Variants in NET1 observed in about 807,000 individuals in gnomAD.
NET1 encodes neuroepithelial cell-transforming gene 1 protein.
NET1 carries 42 observed loss-of-function variants against 61.1 expected under a neutral mutation model. The observed-to-expected ratio is 0.69, with a 90% CI of 0.54 to 0.89. The LOEUF (loss-of-function observed/expected upper bound fraction) is 0.89, where lower values mean the gene tolerates loss of function less well. Ranked by LOEUF, NET1 falls within the 40% of genes least tolerant of loss-of-function variation. The pLI, the probability that NET1 is intolerant of heterozygous loss-of-function variation, is 0.00. For missense variants in NET1, 654 were observed against 747.3 expected, an observed-to-expected ratio of 0.88 and a Z score of 1.46; for synonymous variants, 254 against 281.8, an observed-to-expected ratio of 0.90 and a Z score of 0.99.
Position 5,444,126 on chromosome 10 carries a change from A to C in NET1, c.256-7704A>C, listed in dbSNP as rs72779852. ...AGTCCACAATCGCTCAGGTGCTTCT[A>C]CTTTCATGCTATATGGAAATATCTT... On this transcript the variant is annotated intron_variant, in intron 3 of 11. Transcript: ENST00000355029. The surrounding 1 kb of genome is among the most constrained non-coding windows in gnomAD (Gnocchi z 5.3). 1.3e-5 allele frequency among the ~76,000 whole-genome samples: 2 copies of C among 152,250 alleles called. No homozygotes were observed. The highest frequency in any genetic ancestry group is 4.8e-5 in the African/African-American group (2 of 41,458).
At chr10:5,414,607 T>G (rs1289851494) in intron 1 of NET1, among the ~76,000 whole-genome samples, 1 of 152,168 alleles carries the variant, frequency 6.6e-6, no homozygotes, top group African/African-American at 2.4e-5. Context: ...GAAGAGAAGT[T>G]TCACTGCAAC....
Position 5,452,300 on chromosome 10 carries a change from A to T in NET1, c.364-58A>T. The T allele has an allele frequency of 7.3e-7, 1 of 1,364,538 alleles. No homozygotes were observed. Among genetic ancestry groups the T allele is most frequent in the Non-Finnish European group, 9.7e-7 (1 of 1,035,044 alleles). The allele number at this position is 1,364,538 out of a possible 1,614,324, so 84.5% of individuals were successfully genotyped here. A position where few individuals can be genotyped will look rare whatever the true frequency, so the allele number is the denominator to read the frequency against. On this transcript the variant is annotated intron_variant, in intron 4 of 11. Transcript: ENST00000355029. This position sits in a 1 kb window ranked among gnomAD's most constrained non-coding sequence, Gnocchi z 4.0. Reference sequence around the variant, plus strand: ...TCACTTTAAAAAAAAAGAAAATGGGAATAATTCTATTTCTTCCAAATCTTA... The same window carrying T: ...TCACTTTAAAAAAAAAGAAAATGGGTATAATTCTATTTCTTCCAAATCTTA...
At position 5,439,522 on chromosome 10, in the gene NET1, C is replaced by T. The variant is rs568277267; in HGVS notation, c.255+10293C>T. On this transcript the variant is annotated intron_variant, in intron 3 of 11. Coordinates refer to ENST00000355029, the MANE Select transcript of NET1 (RefSeq NM_001047160.3). The surrounding 1 kb of genome is among the most constrained non-coding windows in gnomAD (Gnocchi z 4.8). Reference sequence around the variant, plus strand: ...ACCATTTCCTTTGTATAACAGATGGCTGCTGTACCTCCCAACCTTCTGACT... The same window carrying T: ...ACCATTTCCTTTGTATAACAGATGGTTGCTGTACCTCCCAACCTTCTGACT... Among the ~76,000 whole-genome samples the T allele has an allele frequency of 3.9e-5, 6 of 152,334 alleles. No individual in the cohort carries two copies. Among genetic ancestry groups the T allele is most frequent in the Admixed American group, 2.0e-4 (3 of 15,310 alleles).
chr10:5,413,466 A>G (rs1832034662), intron 1 of NET1, among the ~76,000 whole-genome samples: 1 of 151,804 alleles, frequency 6.6e-6, no homozygotes, highest in Non-Finnish European at 1.5e-5. Context: ...AGAGTGTATG[A>G]CTCGTGTTTG....
At chr10:5,425,989 T>C (rs1454789255) in intron 1 of NET1, among the ~76,000 whole-genome samples, 1 of 152,238 alleles carries the variant, frequency 6.6e-6, no homozygotes, top group Non-Finnish European at 1.5e-5. Context: ...GGCTTATATT[T>C]TAGAAAGGTG....
rs146371164 is a variant in NET1 at position 5,456,223 on chromosome 10, A to G, written c.1334A>G (p.Asp445Gly). 3.1e-6 allele frequency: 5 copies of G among 1,613,964 alleles called. No individual in the cohort carries two copies. The African/African-American group carries it at 5.3e-5, about 17-fold the overall frequency. The change falls in exon 11 of 12, where the codon GAT (aspartate) becomes GGT (glycine). Residue 445 changes from aspartate (D) to glycine (G), a missense_variant. Transcript: ENST00000355029. This position sits in a 1 kb window ranked among gnomAD's most constrained non-coding sequence, Gnocchi z 7.0. ...GTCCTAGAAGACCTGCAGGATGGAG[A>G]TGTGAGAATGGGAGGCTCCTTTCGA... ...ELVLEDLQDG[D>G]VRMGGSFRGA...
intron 1 of NET1, among the ~76,000 whole-genome samples, chr10:5,414,915 G>A (rs1832053757): frequency 6.6e-6 from 1 of 152,178 alleles, no homozygotes; most frequent in Non-Finnish European, 1.5e-5. Flanking sequence ...TTTTTTGTGT[G>A]AGGTAGGAAA....
intron 1 of NET1, among the ~76,000 whole-genome samples, chr10:5,418,681 T>C (rs1308335736): frequency 6.6e-6 from 1 of 152,192 alleles, no homozygotes; most frequent in Non-Finnish European, 1.5e-5. Context: ...TCCTGCTTAG[T>C]AATCTGAGTA....
rs756205462 is a variant in NET1, at chr10:5,453,257, A to G, written c.602A>G (p.His201Arg). The G allele has an allele frequency of 1.9e-6, 3 of 1,599,416 alleles. No homozygotes were observed. Among genetic ancestry groups the G allele is most frequent in the Admixed American group, 1.7e-5 (1 of 60,000 alleles). ...ATTTCTCCCCTCTGACAGGCCTATC[A>G]TGACCCCATGTTAAAGTTGTCCATC... is the stretch of plus-strand genomic sequence containing the variant. ...EDLKLARKAY[H>R]DPMLKLSIMS... is the part of the protein sequence containing the mutation. Residue 201 changes from histidine to arginine, a missense_variant, in exon 7 of 12, where the codon CAT becomes CGT. By Grantham distance (29) the His-to-Arg change is conservative (BLOSUM62 0). Transcript: ENST00000355029. This position sits in a 1 kb window ranked among gnomAD's most constrained non-coding sequence, Gnocchi z 4.9.
chr10:5,412,638 C>G lies in NET1; in HGVS notation c.-55C>G, dbSNP rs996901459. ...GGCAGAGGCTGGCGGGCATCGTGCC[C>G]GTCCCTGCCGGTCTCCCGGGCACCC... On this transcript the variant is annotated 5_prime_UTR_variant, in exon 1 of 12. Coordinates refer to ENST00000355029, the MANE Select transcript of NET1 (RefSeq NM_001047160.3). This position sits in a 1 kb window ranked among gnomAD's most constrained non-coding sequence, Gnocchi z 6.5. The G allele has an allele frequency of 2.8e-6, 4 of 1,435,810 alleles. No homozygotes were observed. The highest frequency in any genetic ancestry group is 2.7e-6 in the Non-Finnish European group (3 of 1,106,988). 88.9% of individuals were successfully genotyped at this position (1,435,810 alleles called of 1,614,324 possible). A position where few individuals can be genotyped will look rare whatever the true frequency, so the allele number is the denominator to read the frequency against.
intron 3 of NET1, among the ~76,000 whole-genome samples, chr10:5,442,185 T>C (rs965092612): frequency 6.6e-6 from 1 of 152,242 alleles, no homozygotes; most frequent in African/African-American, 2.4e-5. Context: ...ATCTATGTAA[T>C]GTCGTTACAA....
In NET1 at chr10:5,452,787, T is replaced by G. The variant is rs1832729576; in HGVS notation, c.532-71T>G. 2.3e-6 allele frequency: 3 copies of G among 1,305,892 alleles called. No individual in the cohort carries two copies. The highest frequency in any genetic ancestry group is 2.2e-6 in the Non-Finnish European group (2 of 921,470). The allele number at this position is 1,305,892 out of a possible 1,614,324, so 80.9% of individuals were successfully genotyped here. A position where few individuals can be genotyped will look rare whatever the true frequency, so the allele number is the denominator to read the frequency against. On this transcript the variant is annotated intron_variant, in intron 5 of 11. Transcript: ENST00000355029. This position sits in a 1 kb window ranked among gnomAD's most constrained non-coding sequence, Gnocchi z 4.0. ...AAATGCCGTTCAAAACATCAAATAA[T>G]GTAATTATCAGTTGTATATAATTTT...
chr10:5,422,417 A>G lies in NET1; in HGVS notation c.129-4238A>G, dbSNP rs1187582890. Among the ~76,000 whole-genome samples, 1 of 152,056 alleles carries G rather than the reference A, an allele frequency of 6.6e-6. No individual in the cohort carries two copies. Among genetic ancestry groups the G allele is most frequent in the Non-Finnish European group, 1.5e-5 (1 of 68,014 alleles). On this transcript the variant is annotated intron_variant, in intron 1 of 11. Transcript: ENST00000355029. The surrounding 1 kb of genome is among the most constrained non-coding windows in gnomAD (Gnocchi z 4.1). ...CTTGGGGGTGGAATTATCAGGTCCT[A>G]CGGTAAACTTACCACTAACATCTTA...
chr10:5,429,104 G>A, intron 2 of NET1, 66 bp from the exon 3 acceptor site: 1 of 1,119,110 alleles, frequency 8.9e-7, no homozygotes, highest in Non-Finnish European at 1.3e-6. Flanking sequence ...GTTTTATAGA[G>A]TCTTTGTTTT....
In NET1 at chr10:5,456,865, C is replaced by A; in HGVS notation, c.1662C>A (p.Tyr554Ter). The change falls in exon 12 of 12, where the codon TAC becomes TAA. Residue 554 changes from tyrosine (Y) to a stop codon, truncating the protein, a stop_gained. Transcript: ENST00000355029. LOFTEE classifies it low-confidence loss of function (END_TRUNC). The surrounding 1 kb of genome is among the most constrained non-coding windows in gnomAD (Gnocchi z 7.0). ...VTQVEVDENAYRCGSGMQMAE... is the reference protein window; with the variant it reads ...VTQVEVDENA Reference sequence around the variant, plus strand: ...AGGTAGAAGTTGATGAAAACGCTTACAGATGTGGCTCTGGCATGCAGATGG... The same window carrying A: ...AGGTAGAAGTTGATGAAAACGCTTAAAGATGTGGCTCTGGCATGCAGATGG... 1 of 1,614,154 alleles carries A rather than the reference C, an allele frequency of 6.2e-7. No individual in the cohort carries two copies. The highest frequency in any genetic ancestry group is 1.1e-5 in the South Asian group (1 of 91,068).
At position 5,444,214 on chromosome 10, in the gene NET1, T is replaced by C. The variant is rs181856004; in HGVS notation, c.256-7616T>C. 1.5e-3 allele frequency among the ~76,000 whole-genome samples: 230 copies of C among 152,292 alleles called. No homozygotes were observed. Among genetic ancestry groups the C allele is most frequent in the African/African-American group, 4.9e-3 (203 of 41,558 alleles). On this transcript the variant is annotated intron_variant, in intron 3 of 11. Transcript: ENST00000355029. The surrounding 1 kb of genome is among the most constrained non-coding windows in gnomAD (Gnocchi z 5.3). Reference sequence around the variant, plus strand: ...ATACTGCCCAGGACAGACTGGACAATAGAGTAGATGATGAAACAGAGCCAA... The same window carrying C: ...ATACTGCCCAGGACAGACTGGACAACAGAGTAGATGATGAAACAGAGCCAA...
intron 3 of NET1, among the ~76,000 whole-genome samples, chr10:5,442,856 AAC>A (rs1180644594): frequency 6.7e-6 from 1 of 149,518 alleles, no homozygotes; most frequent in Non-Finnish European, 1.5e-5. Flanking sequence ...CAGCCTGGAC[AAC>A]AGAGCAAGAC....
rs1832844392 is a variant in NET1, at chr10:5,458,394, T to C, written c.*1400T>C. The C allele has an allele frequency of 6.6e-6, 1 of 151,510 alleles. No homozygotes were observed. Among genetic ancestry groups the C allele is most frequent in the Admixed American group, 6.6e-5 (1 of 15,176 alleles). The allele number at this position is 151,510 out of a possible 1,614,324, so 9.4% of individuals were successfully genotyped here. The stretch of plus-strand genomic sequence containing the variant: ...AATGATAATCAGAAAAGACTGTAAA[T>C]AGATCCATCCAAATGATTTCTCTGT... On this transcript the variant is annotated 3_prime_UTR_variant, in exon 12 of 12. Coordinates refer to ENST00000355029, the MANE Select transcript of NET1 (RefSeq NM_001047160.3). This position sits in a 1 kb window ranked among gnomAD's most constrained non-coding sequence, Gnocchi z 4.5.
At chr10:5,429,960 G>A (rs1463117345) in intron 3 of NET1, among the ~76,000 whole-genome samples, 2 of 152,018 alleles carry the variant, frequency 1.3e-5, no homozygotes, top group Non-Finnish European at 2.9e-5. Flanking sequence ...AGCAGCTGCT[G>A]TTTCTTTTTA....
Sources: allele counts gnomAD v4.1 joint callset (sites outside exome capture counted in the v4.1 genomes callset), GRCh38; gene constraint gnomAD v4.1.1; non-coding constraint Gnocchi (gnomAD v3.1); transcripts MANE v1.5; gene names NCBI Gene and HGNC (gene_info 2026-07-23, HGNC 2026-07-21).